The following AGAP1 variants were observed in gnomAD, a reference collection of about 807,000 sequenced individuals.
The protein encoded by AGAP1 is arf-GAP with GTPase, ANK repeat and PH domain-containing protein 1.
Under a neutral mutation model 105.3 loss-of-function variants are expected in AGAP1, and 29 were observed. The ratio of observed to expected loss-of-function variants is 0.28; its 90% CI spans 0.21 to 0.38. The LOEUF (loss-of-function observed/expected upper bound fraction) is 0.38, where lower values mean the gene tolerates loss of function less well. Among genes scored for constraint, AGAP1 ranks in the 10% least tolerant of loss-of-function variants. The pLI is 1.00. For synonymous variants in AGAP1, 509 were observed against 485.9 expected (o/e 1.05, Z -0.63); for missense variants, 998 against 1,165.1 (o/e 0.86, Z 2.09).
At position 235,930,380 on chromosome 2, in the gene AGAP1, G is replaced by A. The variant is rs2052661835; in HGVS notation, c.1325-385G>A. ...TTCTGTTCCATTGGTAGGGTGACAT[G>A]GCCGGGCTCCTGGAGCCCCCATCTT... is the stretch of plus-strand genomic sequence containing the variant. On this transcript the variant is annotated intron_variant, in intron 11 of 17. Coordinates refer to ENST00000304032, the MANE Select transcript of AGAP1 (RefSeq NM_001037131.3). This position sits in a 1 kb window ranked among gnomAD's most constrained non-coding sequence, Gnocchi z 7.9. Among the ~76,000 whole-genome samples the A allele has an allele frequency of 6.6e-6, 1 of 152,216 alleles. No homozygotes were observed. Among genetic ancestry groups the A allele is most frequent in the Non-Finnish European group, 1.5e-5 (1 of 68,044 alleles).
Position 236,082,120 on chromosome 2 carries a change from C to T in AGAP1, c.2114+32839C>T, listed in dbSNP as rs1466281494. Reference sequence around the variant, plus strand: ...GTTTCCTCTGGTGCCCTTTTCTTTCCCCCGATCACATTTGCTAGATGTCCA... The same window carrying T: ...GTTTCCTCTGGTGCCCTTTTCTTTCTCCCGATCACATTTGCTAGATGTCCA... On this transcript the variant is annotated intron_variant, in intron 16 of 17. Coordinates refer to ENST00000304032, the MANE Select transcript of AGAP1 (RefSeq NM_001037131.3). This position sits in a 1 kb window ranked among gnomAD's most constrained non-coding sequence, Gnocchi z 4.2. Among the ~76,000 whole-genome samples the T allele has an allele frequency of 1.3e-5, 2 of 152,168 alleles. No individual in the cohort carries two copies. The highest frequency in any genetic ancestry group is 2.4e-5 in the African/African-American group (1 of 41,432).
At chr2:236,106,500 ACTT>A (rs1194897838) in intron 16 of AGAP1, among the ~76,000 whole-genome samples, 1 of 152,126 alleles carries the variant, frequency 6.6e-6, no homozygotes, top group Non-Finnish European at 1.5e-5. Flanking sequence ...TGGGCACCAC[ACTT>A]CTTCCAGCCT....
chr2:235,802,641 T>C (rs1209355373), intron 8 of AGAP1, among the ~76,000 whole-genome samples: 1 of 146,702 alleles, frequency 6.8e-6, no homozygotes, highest in African/African-American at 2.7e-5. Context: ...GTGGTGATGA[T>C]GGTTGTGGTG....
intron 13 of AGAP1, among the ~76,000 whole-genome samples, chr2:236,031,697 A>G (rs2057229309): frequency 6.6e-6 from 1 of 152,122 alleles, no homozygotes; most frequent in East Asian, 1.9e-4. Flanking sequence ...GGGGGACAGA[A>G]TCTTCCACTT....
At chr2:235,916,203 T>C (rs996419456) in intron 11 of AGAP1, among the ~76,000 whole-genome samples, 5 of 152,196 alleles carry the variant, frequency 3.3e-5, no homozygotes, top group African/African-American at 1.2e-4. Flanking sequence ...TATTCAGGCC[T>C]GGTTAAACCT....
chr2:235,672,030 G>A (rs1042550843), intron 1 of AGAP1, among the ~76,000 whole-genome samples: 31 of 151,256 alleles, frequency 2.0e-4, no homozygotes, highest in African/African-American at 7.6e-4. Context: ...ACAGACAAGA[G>A]GCCATGCATT....
intron 1 of AGAP1, among the ~76,000 whole-genome samples, chr2:235,686,622 T>TAG (rs1559350441): frequency 1.1e-4 from 3 of 27,584 alleles, no homozygotes; most frequent in Non-Finnish European, 2.2e-4. Context: ...GAGATATAGA[T>TAG]ATATATATAT....
rs555563679 is a variant in AGAP1 at position 236,131,761 on chromosome 2, C to A, written c.*7639C>A. 2 of 151,454 alleles carry A rather than the reference C, an allele frequency of 1.3e-5. No individual in the cohort carries two copies. Among genetic ancestry groups the A allele is most frequent in the African/African-American group, 4.8e-5 (2 of 41,308 alleles). 9.4% of individuals were successfully genotyped at this position (151,454 alleles called of 1,614,324 possible). A position where few individuals can be genotyped will look rare whatever the true frequency, so the allele number is the denominator to read the frequency against. On this transcript the variant is annotated 3_prime_UTR_variant, in exon 18 of 18. Transcript: ENST00000304032. This position sits in a 1 kb window ranked among gnomAD's most constrained non-coding sequence, Gnocchi z 5.9. ...GAGAGAGGTGGCTATGGTGTAGAGA[C>A]CTCTTTCTAATAAAGAAATGAAAAT...
rs1011577395 is a variant in AGAP1, at chr2:235,867,439, C to T, written c.1051-15906C>T. On this transcript the variant is annotated intron_variant, in intron 9 of 17. Transcript: ENST00000304032. This position sits in a 1 kb window ranked among gnomAD's most constrained non-coding sequence, Gnocchi z 5.4. ...GGCCCCAGTCCCGTAGGATCCCCAA[C>T]GCTAATAGTCTGGATGAGGGTGCAC... Among the ~76,000 whole-genome samples the T allele has an allele frequency of 4.6e-5, 7 of 152,134 alleles. No homozygotes were observed. The highest frequency in any genetic ancestry group is 6.5e-5 in the Admixed American group (1 of 15,274).
At position 235,633,222 on chromosome 2, in the gene AGAP1, G is replaced by A. The variant is rs184383619; in HGVS notation, c.164-75957G>A. 3.3e-5 allele frequency among the ~76,000 whole-genome samples: 5 copies of A among 152,254 alleles called. No homozygotes were observed. The highest frequency in any genetic ancestry group is 2.0e-4 in the Admixed American group (3 of 15,300). ...GCGGGAGCCTACGGAATGAAGACCC[G>A]AAGATTCAGGGGAGGTCGTCTGTGT... On this transcript the variant is annotated intron_variant, in intron 1 of 17. Coordinates refer to ENST00000304032, the MANE Select transcript of AGAP1 (RefSeq NM_001037131.3). This position sits in a 1 kb window ranked among gnomAD's most constrained non-coding sequence, Gnocchi z 4.8.
intron 12 of AGAP1, among the ~76,000 whole-genome samples, chr2:235,945,046 C>T (rs72987099): frequency 0.05 from 7,597 of 152,216 alleles, 261 homozygotes; most frequent in Middle Eastern, 0.078. Context: ...ATTATTTGTC[C>T]TTTTAAAGAA....
chr2:235,724,130 G>T lies in AGAP1; in HGVS notation c.310+6486G>T, dbSNP rs1398156554. ...AATTCAGCAGGGGCTCCTTCCTTCA[G>T]TGATGGAATCTGGAGTTTCTGACTG... On this transcript the variant is annotated intron_variant, in intron 3 of 17. Transcript: ENST00000304032. The surrounding 1 kb of genome is among the most constrained non-coding windows in gnomAD (Gnocchi z 4.9). Among the ~76,000 whole-genome samples the T allele has an allele frequency of 6.6e-6, 1 of 152,226 alleles. No individual in the cohort carries two copies. The highest frequency in any genetic ancestry group is 1.5e-5 in the Non-Finnish European group (1 of 68,040).
intron 11 of AGAP1, among the ~76,000 whole-genome samples, chr2:235,917,502 C>G (rs2051950403): frequency 6.6e-6 from 1 of 151,946 alleles, no homozygotes; most frequent in South Asian, 2.1e-4. Flanking sequence ...CTCTTTTTTT[C>G]CACTTAGCCG....
Position 235,908,847 on chromosome 2 carries a change from G to T in AGAP1, c.1265G>T (p.Ser422Ile), listed in dbSNP as rs972312013. The T allele has an allele frequency of 6.2e-7, 1 of 1,613,890 alleles. No homozygotes were observed. The highest frequency in any genetic ancestry group is 1.7e-5 in the Admixed American group (1 of 59,976). ...ACGTCAGCCTGCGCACCCATCTCCA[G>T]CCCTAAAACCAATGGCCTATCCAAG... ...RATSACAPIS[S>I]PKTNGLSKDM... The change falls in exon 11 of 18, where the codon AGC becomes ATC. Residue 422 changes from serine to isoleucine, a missense_variant. Ser to Ile is a moderately radical substitution (Grantham distance 142, BLOSUM62 -2). Coordinates refer to ENST00000304032, the MANE Select transcript of AGAP1 (RefSeq NM_001037131.3). The surrounding 1 kb of genome is among the most constrained non-coding windows in gnomAD (Gnocchi z 4.4).
intron 9 of AGAP1, among the ~76,000 whole-genome samples, chr2:235,831,721 T>C (rs551951081): frequency 6.6e-6 from 1 of 152,356 alleles, no homozygotes; most frequent in East Asian, 1.9e-4. Flanking sequence ...TTGAAAGACA[T>C]CTTGGGTGCT....
In AGAP1 at chr2:235,705,071, C is replaced by G. The variant is rs997651245; in HGVS notation, c.164-4108C>G. On this transcript the variant is annotated intron_variant, in intron 1 of 17. Coordinates refer to ENST00000304032, the MANE Select transcript of AGAP1 (RefSeq NM_001037131.3). This position sits in a 1 kb window ranked among gnomAD's most constrained non-coding sequence, Gnocchi z 4.9. ...TCGGCTCGCTGCAACCTCTACCTCC[C>G]GGGTTCAAGCACTTCTCCTGCCTCA... is the stretch of plus-strand genomic sequence containing the variant. Among the ~76,000 whole-genome samples the G allele has an allele frequency of 6.7e-6, 1 of 148,218 alleles. No individual in the cohort carries two copies. Among genetic ancestry groups the G allele is most frequent in the Non-Finnish European group, 1.5e-5 (1 of 67,222 alleles).
intron 9 of AGAP1, among the ~76,000 whole-genome samples, chr2:235,820,858 A>G (rs1958749399): frequency 6.6e-6 from 1 of 152,232 alleles, no homozygotes; most frequent in Non-Finnish European, 1.5e-5. Flanking sequence ...AAATCATTGT[A>G]TACTAAAATG....
intron 12 of AGAP1, among the ~76,000 whole-genome samples, chr2:235,956,562 G>A (rs1359397662): frequency 1.3e-5 from 2 of 152,174 alleles, no homozygotes; most frequent in African/African-American, 4.8e-5. Context: ...ACCAGGAAAC[G>A]GATGGGGTGC....
intron 1 of AGAP1, among the ~76,000 whole-genome samples, chr2:235,496,616 A>G (rs1471835128): frequency 2.0e-5 from 3 of 152,210 alleles, no homozygotes; most frequent in Non-Finnish European, 2.9e-5. Flanking sequence ...CTTTTGCTGC[A>G]TGAAGACCTC....
Sources: gnomAD v4.1 joint callset for allele counts (sites outside exome capture counted in the v4.1 genomes callset) on GRCh38, gnomAD v4.1.1 for gene constraint, Gnocchi (gnomAD v3.1) non-coding constraint, MANE v1.5 for transcripts, NCBI Gene and HGNC (gene_info 2026-07-23, HGNC 2026-07-21) for gene names.